The following THADA variants were observed in gnomAD, a reference collection of about 807,000 sequenced individuals.
THADA encodes the protein tRNA (32-2'-O)-methyltransferase regulator THADA.
THADA carries 213 observed loss-of-function variants against 219.8 expected under a neutral mutation model. The ratio of observed to expected loss-of-function variants is 0.97; its 90% CI spans 0.87 to 1.09. The LOEUF (loss-of-function observed/expected upper bound fraction) is 1.09. Ranked by LOEUF, THADA falls within the 50% of genes least tolerant of loss-of-function variation. The probability of loss-of-function intolerance (pLI) is 0.00; values close to 1 mark genes in which losing one functional copy is unlikely to be tolerated. For missense variants in THADA, 2,956 were observed against 2,311.3 expected, an observed-to-expected ratio of 1.28 and a Z score of -5.72; for synonymous variants, 1,018 against 828.9, an observed-to-expected ratio of 1.23 and a Z score of -3.92.
intron 29 of THADA, among the ~76,000 whole-genome samples, chr2:43,361,754 C>T (rs1558639837): frequency 6.6e-6 from 1 of 152,176 alleles, no homozygotes; most frequent in African/African-American, 2.4e-5. Flanking sequence ...ATGATTATCC[C>T]TCAGGTGCTT....
chr2:43,427,503 T>TTGTGTGTGTGTG (rs70963397), intron 28 of THADA, among the ~76,000 whole-genome samples: 25,881 of 140,332 alleles, frequency 0.18, 2,724 homozygotes, highest in Non-Finnish European at 0.25. Flanking sequence ...CTCCCAAAGT[T>TTGTGTGTGTGTG]TGTGTGTGTG....
chr2:43,424,505 G>C (rs906281013), intron 28 of THADA, among the ~76,000 whole-genome samples: 11 of 152,100 alleles, frequency 7.2e-5, no homozygotes, highest in African/African-American at 2.2e-4. Flanking sequence ...ATTACCCCAA[G>C]TCAAAACAGC....
At chr2:43,536,977 C>G (rs1298387523) in intron 21 of THADA, among the ~76,000 whole-genome samples, 1 of 152,048 alleles carries the variant, frequency 6.6e-6, no homozygotes, top group Non-Finnish European at 1.5e-5. Context: ...AGCCTTAATC[C>G]CTAAGCCTTA....
chr2:43,490,586 T>C (rs1316872983), intron 25 of THADA, among the ~76,000 whole-genome samples: 1 of 152,196 alleles, frequency 6.6e-6, no homozygotes, highest in African/African-American at 2.4e-5. Context: ...TTTTGTTCTT[T>C]AGTCTATTCA....
intron 8 of THADA, among the ~76,000 whole-genome samples, chr2:43,580,834 C>G (rs1357832893): frequency 6.6e-6 from 1 of 151,724 alleles, no homozygotes; most frequent in Non-Finnish European, 1.5e-5. Context: ...GAGCCAAGAT[C>G]ACGCCACTGC....
intron 37 of THADA, 82 bp downstream of exon 37, chr2:43,232,631 C>T: frequency 6.9e-7 from 1 of 1,456,056 alleles, no homozygotes; most frequent in Non-Finnish European, 9.4e-7. Flanking sequence ...TGCAAAAGCC[C>T]AGCTGAGGCT....
intron 36 of THADA, among the ~76,000 whole-genome samples, chr2:43,267,151 G>A (rs916503561): frequency 6.6e-6 from 1 of 152,212 alleles, no homozygotes; most frequent in Admixed American, 6.5e-5. Context: ...AACTTACCAA[G>A]TTAGTGAGAA....
intron 36 of THADA, among the ~76,000 whole-genome samples, chr2:43,264,480 T>A (rs956753268): frequency 2.0e-5 from 3 of 152,012 alleles, no homozygotes; most frequent in Non-Finnish European, 4.4e-5. Context: ...AGACGGGGTT[T>A]CTCCATGTTG....
At chr2:43,247,929 G>T (rs1346973967) in intron 36 of THADA, among the ~76,000 whole-genome samples, 1 of 150,934 alleles carries the variant, frequency 6.6e-6, no homozygotes, top group Non-Finnish European at 1.5e-5. Context: ...TGTGGTCCCT[G>T]CTACTTGGGA....
intron 36 of THADA, among the ~76,000 whole-genome samples, chr2:43,254,355 G>C (rs557567034): frequency 1.3e-5 from 2 of 152,134 alleles, no homozygotes; most frequent in South Asian, 4.2e-4. Context: ...GACACTGTTT[G>C]AGTCCTTGAA....
intron 22 of THADA, among the ~76,000 whole-genome samples, chr2:43,522,726 G>GA (rs1197534952): frequency 6.6e-6 from 1 of 152,144 alleles, no homozygotes; most frequent in Non-Finnish European, 1.5e-5. Context: ...GCTTAAAAAT[G>GA]AAAATAAAAA....
chr2:43,260,358 C>A (rs913142855), intron 36 of THADA, among the ~76,000 whole-genome samples: 3 of 152,176 alleles, frequency 2.0e-5, no homozygotes. Context: ...CTGTTCACAT[C>A]TTTTTTCTTC....
chr2:43,444,731 G>T (rs534593944), intron 26 of THADA, among the ~76,000 whole-genome samples: 4 of 141,154 alleles, frequency 2.8e-5, no homozygotes, highest in East Asian at 3.9e-4. Flanking sequence ...AAAAAAAGGT[G>T]GGGGGGGAGG....
At chr2:43,490,525 T>C (rs943685262) in intron 25 of THADA, among the ~76,000 whole-genome samples, 3 of 152,184 alleles carry the variant, frequency 2.0e-5, no homozygotes, top group African/African-American at 7.2e-5. Context: ...TCACATAAAA[T>C]AGCATTAGAT....
intron 22 of THADA, among the ~76,000 whole-genome samples, chr2:43,525,923 C>T (rs1693114258): frequency 6.6e-6 from 1 of 152,192 alleles, no homozygotes. Flanking sequence ...TAACTGATTG[C>T]AGGCTCTCCT....
chr2:43,484,369 A>C (rs2105009788), intron 26 of THADA: 1 of 169,280 alleles, frequency 5.9e-6, no homozygotes, highest in East Asian at 1.9e-4. Flanking sequence ...TATGAAGCAT[A>C]ATGACTTTTT....
intron 29 of THADA, among the ~76,000 whole-genome samples, chr2:43,366,744 T>C (rs1273746502): frequency 6.6e-6 from 1 of 152,218 alleles, no homozygotes; most frequent in East Asian, 1.9e-4. Context: ...ACATTAAAAA[T>C]TGATTACCAA....
chr2:43,234,659 C>T (rs944998234), intron 36 of THADA, among the ~76,000 whole-genome samples: 1 of 152,028 alleles, frequency 6.6e-6, no homozygotes, highest in African/African-American at 2.4e-5. Context: ...TTTTTCCCTT[C>T]AACTTTTATT....
At chr2:43,502,471 G>T (rs768868098) in intron 24 of THADA, among the ~76,000 whole-genome samples, 4 of 151,422 alleles carry the variant, frequency 2.6e-5, no homozygotes, top group Non-Finnish European at 5.9e-5. Flanking sequence ...TATAATGCCA[G>T]TTACTCAGGA....
Sources: allele counts gnomAD v4.1 joint callset (sites outside exome capture counted in the v4.1 genomes callset), GRCh38; gene constraint gnomAD v4.1.1; transcripts MANE v1.5; gene names NCBI Gene and HGNC (gene_info 2026-07-23, HGNC 2026-07-21).